The following HNF4G variants were observed in gnomAD, a reference collection of about 807,000 sequenced individuals.
The protein encoded by HNF4G is hepatocyte nuclear factor 4-gamma.
In HNF4G, 21 loss-of-function variants were observed where a neutral mutation model predicts 50.9. That is an observed-to-expected ratio of 0.41 (90% CI 0.29 to 0.59). The LOEUF is 0.59. HNF4G is among the 20% of genes least tolerant of loss of function. The pLI, the probability that HNF4G is intolerant of heterozygous loss-of-function variation, is 0.26. For missense variants in HNF4G, 527 were observed against 559.4 expected (o/e 0.94, Z 0.58); for synonymous variants, 198 against 185.6 (o/e 1.07, Z -0.54).
chr8:75,540,629 A>G (rs1422284307), intron 1 of HNF4G, among the ~76,000 whole-genome samples: 2 of 152,130 alleles, frequency 1.3e-5, no homozygotes, highest in Non-Finnish European at 2.9e-5. Flanking sequence ...CTCACCTGAC[A>G]GGCTAATGTT....
At chr8:75,456,926 G>A (rs906324365) in intron 1 of HNF4G, among the ~76,000 whole-genome samples, 1 of 152,014 alleles carries the variant, frequency 6.6e-6, no homozygotes, top group African/African-American at 2.4e-5. Context: ...AAAATTATTT[G>A]TAGAGATGAG....
intron 2 of HNF4G, among the ~76,000 whole-genome samples, chr8:75,498,360 A>G (rs1394090786): frequency 6.6e-6 from 1 of 152,144 alleles, no homozygotes; most frequent in Non-Finnish European, 1.5e-5. Flanking sequence ...TGACTCAAGT[A>G]AAAATAGCAA....
At chr8:75,475,479 C>T (rs989272477) in intron 1 of HNF4G, among the ~76,000 whole-genome samples, 4 of 152,046 alleles carry the variant, frequency 2.6e-5, no homozygotes, top group Admixed American at 2.0e-4. Flanking sequence ...TGAGCCTATG[C>T]ATGTTTATGT....
chr8:75,483,181 G>T (rs1812419923), intron 1 of HNF4G, among the ~76,000 whole-genome samples: 1 of 151,556 alleles, frequency 6.6e-6, no homozygotes. Context: ...AATATAAAAT[G>T]GATTATATTT....
intron 1 of HNF4G, among the ~76,000 whole-genome samples, chr8:75,483,323 T>C (rs996847638): frequency 6.6e-6 from 1 of 152,188 alleles, no homozygotes; most frequent in Non-Finnish European, 1.5e-5. Flanking sequence ...AATGCAAATG[T>C]AATTCCTTAA....
intron 1 of HNF4G, among the ~76,000 whole-genome samples, chr8:75,426,415 T>C (rs1429028234): frequency 6.6e-6 from 1 of 152,242 alleles, no homozygotes; most frequent in African/African-American, 2.4e-5. Context: ...TTATCTCTTC[T>C]GGTCATCTTA....
chr8:75,539,941 T>C lies in HNF4G; in HGVS notation c.-22T>C. 9.1e-6 allele frequency: 10 copies of C among 1,102,738 alleles called. No individual in the cohort carries two copies. The highest frequency in any genetic ancestry group is 1.5e-5 in the African/African-American group (1 of 64,708). 68.3% of individuals were successfully genotyped at this position (1,102,738 alleles called of 1,614,324 possible). A position where few individuals can be genotyped will look rare whatever the true frequency, so the allele number is the denominator to read the frequency against. ...ACGCACTCTGGGCTTGTGGTGCCAC[T>C]TGTATGTGTGTTTCTAAATCAATGA... is the stretch of plus-strand genomic sequence containing the variant. On this transcript the variant is annotated 5_prime_UTR_variant, in exon 1 of 10. Coordinates refer to ENST00000396423, the MANE Select transcript of HNF4G (RefSeq NM_004133.5).
intron 2 of HNF4G, among the ~76,000 whole-genome samples, chr8:75,512,601 A>G (rs1222402224): frequency 6.6e-6 from 1 of 151,822 alleles, no homozygotes; most frequent in African/African-American, 2.4e-5. Flanking sequence ...AGTAGCTGGG[A>G]CTACAGGCGC....
chr8:75,562,244 C>A lies in HNF4G; in HGVS notation c.1247-1731C>A, dbSNP rs74849876. Among the ~76,000 whole-genome samples the A allele has an allele frequency of 8.1e-3, 1,225 of 152,146 alleles. 24 individuals carry two copies. Among genetic ancestry groups the A allele is most frequent in the African/African-American group, 0.028 (1,158 of 41,514 alleles). The stretch of plus-strand genomic sequence containing the variant: ...TAGAAGCCATGGGACTGCGTGCTAC[C>A]ATGCCATCTTTTAGATACAAGCACA... On this transcript the variant is annotated intron_variant, in intron 9 of 9. Transcript: ENST00000396423.
At chr8:75,515,243 T>C (rs1467635005) in intron 2 of HNF4G, among the ~76,000 whole-genome samples, 4 of 152,202 alleles carry the variant, frequency 2.6e-5, no homozygotes, top group Admixed American at 6.5e-5. Flanking sequence ...AAAATTACTT[T>C]GTTTATTTTA....
At chr8:75,416,723 C>T (rs1256141273) in intron 1 of HNF4G, among the ~76,000 whole-genome samples, 1 of 152,148 alleles carries the variant, frequency 6.6e-6, no homozygotes, top group Non-Finnish European at 1.5e-5. Context: ...ATGGGACCTG[C>T]CATTTTCTCA....
chr8:75,451,232 G>A (rs1585855780), intron 1 of HNF4G, among the ~76,000 whole-genome samples: 1 of 151,884 alleles, frequency 6.6e-6, no homozygotes, highest in Non-Finnish European at 1.5e-5. Flanking sequence ...AGTTGTTTGA[G>A]TTCCTTACAT....
intron 1 of HNF4G, among the ~76,000 whole-genome samples, chr8:75,444,864 G>A (rs1182731861): frequency 1.1e-5 from 1 of 89,196 alleles, no homozygotes; most frequent in Admixed American, 1.0e-4. Flanking sequence ...ACATTAGACA[G>A]ATCAACGAGA....
In HNF4G at chr8:75,505,093, A is replaced by G. The variant is rs183016296; in HGVS notation, c.-24+14885A>G. On this transcript the variant is annotated intron_variant, in intron 2 of 10. Coordinates refer to the HNF4G transcript ENST00000354370. Reference sequence around the variant, plus strand: ...TTTCAGAGGGTTTTATGGATAATTTACTAGGGTTTCGAGGGAAGGTCTCTG... The same window carrying G: ...TTTCAGAGGGTTTTATGGATAATTTGCTAGGGTTTCGAGGGAAGGTCTCTG... Among the ~76,000 whole-genome samples, 425 of 152,290 alleles carry G rather than the reference A, an allele frequency of 2.8e-3. 1 individual carries two copies. Among genetic ancestry groups the G allele is most frequent in the Middle Eastern group, 0.02 (6 of 294 alleles).
At chr8:75,526,385 C>A (rs935056303) in intron 2 of HNF4G, among the ~76,000 whole-genome samples, 3 of 152,120 alleles carry the variant, frequency 2.0e-5, no homozygotes, top group Non-Finnish European at 4.4e-5. Context: ...GGCATTCATT[C>A]TTGGACATAT....
At chr8:75,537,135 G>A (rs1418821552), upstream of HNF4G, among the ~76,000 whole-genome samples, 1 of 152,068 alleles carries the variant, frequency 6.6e-6, no homozygotes, top group Non-Finnish European at 1.5e-5. Flanking sequence ...ATTTGGATTT[G>A]TTACCTAGTG....
At chr8:75,559,612 A>T (rs564294554) in intron 8 of HNF4G, among the ~76,000 whole-genome samples, 1 of 152,084 alleles carries the variant, frequency 6.6e-6, no homozygotes, top group East Asian at 1.9e-4. Flanking sequence ...CCTCTATTCC[A>T]CAGTCCCTCT....
intron 1 of HNF4G, among the ~76,000 whole-genome samples, chr8:75,467,387 T>C (rs1812011715): frequency 6.6e-6 from 1 of 152,110 alleles, no homozygotes; most frequent in African/African-American, 2.4e-5. Flanking sequence ...CAGGGCTGAG[T>C]GCGGTGGCTC....
At chr8:75,555,303 A>G (rs900766990) in intron 5 of HNF4G, among the ~76,000 whole-genome samples, 1 of 152,164 alleles carries the variant, frequency 6.6e-6, no homozygotes, top group Non-Finnish European at 1.5e-5. Flanking sequence ...CTAGATGAAG[A>G]TAATGGGGAA....
Sources: gnomAD v4.1 joint callset for allele counts (sites outside exome capture counted in the v4.1 genomes callset) on GRCh38, gnomAD v4.1.1 for gene constraint, MANE v1.5 for transcripts, NCBI Gene and HGNC (gene_info 2026-07-23, HGNC 2026-07-21) for gene names.